Variants in GRM8 observed in about 807,000 individuals in gnomAD.
GRM8 encodes the protein metabotropic glutamate receptor 8.
GRM8 carries 47 observed loss-of-function variants against 87.2 expected under a neutral mutation model. The observed-to-expected ratio is 0.54, with a 90% CI of 0.43 to 0.69. GRM8 has a LOEUF of 0.69. GRM8 is among the 30% of genes least tolerant of loss of function. GRM8 has a pLI of 0.00. For synonymous variants in GRM8, 396 were observed against 404.5 expected, an observed-to-expected ratio of 0.98 and a Z score of 0.25; for missense variants, 1,019 against 1,139.2, an observed-to-expected ratio of 0.89 and a Z score of 1.52.
chr7:127,215,435 A>C (rs1200187689), intron 2 of GRM8, among the ~76,000 whole-genome samples: 2 of 151,918 alleles, frequency 1.3e-5, no homozygotes, highest in African/African-American at 4.8e-5. Context: ...ACTCTTAATC[A>C]GTTCCGTTGA....
chr7:126,451,042 G>A (rs1454308405), intron 9 of GRM8, among the ~76,000 whole-genome samples: 2 of 151,846 alleles, frequency 1.3e-5, no homozygotes, highest in African/African-American at 4.8e-5. Flanking sequence ...TGTAATAATT[G>A]TTAAAGAAAG....
intron 3 of GRM8, among the ~76,000 whole-genome samples, chr7:126,906,859 T>G (rs1201567379): frequency 6.6e-6 from 1 of 152,210 alleles, no homozygotes; most frequent in East Asian, 1.9e-4. Context: ...CTACCTGCAG[T>G]TAGCTAGTCT....
chr7:127,245,255 C>T (rs945332161), intron 1 of GRM8, among the ~76,000 whole-genome samples: 2 of 152,188 alleles, frequency 1.3e-5, no homozygotes, highest in African/African-American at 4.8e-5. Context: ...ATAGTAAAAC[C>T]TCATTAACTC....
intron 2 of GRM8, among the ~76,000 whole-genome samples, chr7:127,163,474 G>A (rs1281022722): frequency 4.6e-5 from 7 of 152,314 alleles, no homozygotes; most frequent in African/African-American, 1.7e-4. Context: ...AGCCTAGGTG[G>A]TAGGGGGTTC....
chr7:127,165,204 A>T (rs2116265101), intron 2 of GRM8, among the ~76,000 whole-genome samples: 1 of 124,534 alleles, frequency 8.0e-6, no homozygotes, highest in African/African-American at 2.9e-5. Flanking sequence ...TCAGGTTTCA[A>T]CTAGTGCTAA....
At chr7:126,930,615 T>C (rs1586499201) in intron 3 of GRM8, among the ~76,000 whole-genome samples, 1 of 152,206 alleles carries the variant, frequency 6.6e-6, no homozygotes, top group African/African-American at 2.4e-5. Context: ...TCCAATTCCA[T>C]CATCCTATCA....
intron 10 of GRM8, among the ~76,000 whole-genome samples, chr7:126,440,410 CAAAA>C (rs35828454): frequency 1.3e-5 from 1 of 75,434 alleles, no homozygotes. Flanking sequence ...GACTCCATCT[CAAAA>C]AAAAAAAAAA....
intron 6 of GRM8, among the ~76,000 whole-genome samples, chr7:126,784,801 G>A (rs182928715): frequency 4.6e-5 from 7 of 152,272 alleles, no homozygotes; most frequent in African/African-American, 1.7e-4. Context: ...GATTTAGTAA[G>A]TGATAAGCCA....
chr7:126,502,879 C>T (rs1249363940), intron 9 of GRM8, among the ~76,000 whole-genome samples: 1 of 151,970 alleles, frequency 6.6e-6, no homozygotes, highest in African/African-American at 2.4e-5. Flanking sequence ...CTTTCTGTTT[C>T]TATGGGAACA....
At chr7:126,617,799 A>G (rs1799675472) in intron 7 of GRM8, among the ~76,000 whole-genome samples, 1 of 152,226 alleles carries the variant, frequency 6.6e-6, no homozygotes, top group African/African-American at 2.4e-5. Flanking sequence ...AGAATAAAAT[A>G]CCTAGGAATC....
chr7:126,906,710 G>T lies in GRM8; in HGVS notation c.728-2027C>A, dbSNP rs188304393. On this transcript the variant is annotated intron_variant, in intron 3 of 10. Coordinates refer to ENST00000339582, the MANE Select transcript of GRM8 (RefSeq NM_000845.3). ...TGTACAGCAGATGTATGAGTAACTG[G>T]TGCCAGTATATAAAACTATTTTTCT... is the stretch of plus-strand genomic sequence containing the variant. Among the ~76,000 whole-genome samples the T allele has an allele frequency of 4.4e-3, 663 of 152,234 alleles. 20 individuals carry two copies. Among genetic ancestry groups the T allele is most frequent in the Non-Finnish European group, 7.2e-4 (49 of 68,022 alleles).
rs139849373 is a variant in GRM8 at position 127,114,860 on chromosome 7, G to T, written c.511-8148C>A. Among the ~76,000 whole-genome samples, 244 of 152,242 alleles carry T rather than the reference G, an allele frequency of 1.6e-3. 1 individual carries two copies. Among genetic ancestry groups the T allele is most frequent in the Non-Finnish European group, 2.6e-3 (177 of 68,012 alleles). ...TCATGGGTATTGTATGAGTCATAGA[G>T]GGAAAGAAAACAAATGACTCAAGGA... On this transcript the variant is annotated intron_variant, in intron 2 of 10. Transcript: ENST00000339582.
chr7:126,571,299 A>C lies in GRM8; in HGVS notation c.1495-37412T>G, dbSNP rs572833395. 7.9e-5 allele frequency among the ~76,000 whole-genome samples: 12 copies of C among 152,344 alleles called. No individual in the cohort carries two copies. In the South Asian group the frequency reaches 2.5e-3, roughly 32 times the overall value. On this transcript the variant is annotated intron_variant, in intron 8 of 10. Coordinates refer to ENST00000339582, the MANE Select transcript of GRM8 (RefSeq NM_000845.3). ...TATACTGCAAGACAGCTTCAATTAC[A>C]ATCTATTTTCCCAAAGGGAACCCCA...
chr7:127,086,321 C>T (rs1279317852), intron 3 of GRM8, among the ~76,000 whole-genome samples: 4 of 152,124 alleles, frequency 2.6e-5, no homozygotes, highest in Non-Finnish European at 4.4e-5. Flanking sequence ...AGGATGGTCT[C>T]GATCTCCTGA....
chr7:127,127,618 C>T (rs772692031), intron 2 of GRM8, among the ~76,000 whole-genome samples: 15 of 151,986 alleles, frequency 9.9e-5, no homozygotes, highest in Admixed American at 2.0e-4. Flanking sequence ...TCAGTGATTT[C>T]CTGGGGCCAG....
In GRM8 at chr7:126,770,152, A is replaced by C. The variant is rs1818684286; in HGVS notation, c.1157-87T>G. On this transcript the variant is annotated intron_variant, in intron 6 of 10. Transcript: ENST00000339582. The stretch of plus-strand genomic sequence containing the variant: ...GAGCTAAGATTTCCATCATTTGAGG[A>C]ACACTTAATGAGACACGACTATTTG... 1.8e-5 allele frequency: 15 copies of C among 844,272 alleles called. No individual in the cohort carries two copies. In the South Asian group the frequency reaches 2.2e-4, roughly 12 times the overall value. The allele number at this position is 844,272 out of a possible 1,614,324, so 52.3% of individuals were successfully genotyped here.
intron 2 of GRM8, among the ~76,000 whole-genome samples, chr7:127,159,605 TA>T (rs558183788): frequency 6.6e-6 from 1 of 152,274 alleles, no homozygotes; most frequent in African/African-American, 2.4e-5. Context: ...AGTTGAACTT[TA>T]AAAAAATTGT....
Position 126,708,131 on chromosome 7 carries a change from A to G in GRM8, c.1357+61734T>C, listed in dbSNP as rs377113263. Reference sequence around the variant, plus strand: ...CAGATGTTCAATAGGTATATGAAAAAATGTTCAACATCACTAATCCTCAGA... The same window carrying G: ...CAGATGTTCAATAGGTATATGAAAAGATGTTCAACATCACTAATCCTCAGA... On this transcript the variant is annotated intron_variant, in intron 7 of 10. Coordinates refer to ENST00000339582, the MANE Select transcript of GRM8 (RefSeq NM_000845.3). Among the ~76,000 whole-genome samples, 13 of 152,278 alleles carry G rather than the reference A, an allele frequency of 8.5e-5. No homozygotes were observed. The East Asian group carries it at 2.1e-3, about 25-fold the overall frequency.
At chr7:127,241,536 C>T (rs997588321) in intron 2 of GRM8, among the ~76,000 whole-genome samples, 4 of 151,186 alleles carry the variant, frequency 2.6e-5, no homozygotes, top group Non-Finnish European at 5.9e-5. Context: ...CAGGTTCAAG[C>T]GATTCTCCTC....
Sources: gnomAD v4.1 joint callset for allele counts (sites outside exome capture counted in the v4.1 genomes callset) on GRCh38, gnomAD v4.1.1 for gene constraint, MANE v1.5 for transcripts, NCBI Gene and HGNC (gene_info 2026-07-23, HGNC 2026-07-21) for gene names.